The following KIF16B variants were observed in gnomAD, a reference collection of about 807,000 sequenced individuals.
The protein encoded by KIF16B is kinesin-like protein KIF16B.
In KIF16B, 98 loss-of-function variants were observed where a neutral mutation model predicts 156.3. That is an observed-to-expected ratio of 0.63 (90% CI 0.53 to 0.74). KIF16B has a LOEUF of 0.74. Ranked by LOEUF, KIF16B falls within the 30% of genes least tolerant of loss-of-function variation. KIF16B has a pLI of 0.00. For synonymous variants in KIF16B, 564 were observed against 583.7 expected (o/e 0.97, Z 0.49); for missense variants, 1,421 against 1,606.5 (o/e 0.88, Z 1.97).
At chr20:16,280,785 T>C (rs1054906651) in intron 25 of KIF16B, among the ~76,000 whole-genome samples, 3 of 152,208 alleles carry the variant, frequency 2.0e-5, no homozygotes, top group South Asian at 2.1e-4. Flanking sequence ...GTCCATACTA[T>C]GCACATGCAG....
chr20:16,302,098 G>T (rs964038742), intron 25 of KIF16B, among the ~76,000 whole-genome samples: 1 of 152,058 alleles, frequency 6.6e-6, no homozygotes, highest in Non-Finnish European at 1.5e-5. Flanking sequence ...TCCTCCTGAC[G>T]GTGTCTTTTG....
At chr20:16,300,633 C>T (rs1473866407) in intron 25 of KIF16B, among the ~76,000 whole-genome samples, 1 of 152,066 alleles carries the variant, frequency 6.6e-6, no homozygotes, top group African/African-American at 2.4e-5. Flanking sequence ...TACATAACTA[C>T]CACATGATGA....
At chr20:16,496,529 A>G (rs965838025) in intron 11 of KIF16B, among the ~76,000 whole-genome samples, 1 of 152,264 alleles carries the variant, frequency 6.6e-6, no homozygotes, top group African/African-American at 2.4e-5. Flanking sequence ...CAAACAATTA[A>G]AATGGGTCAG....
At chr20:16,416,860 C>T (rs1600340895) in intron 15 of KIF16B, among the ~76,000 whole-genome samples, 1 of 152,072 alleles carries the variant, frequency 6.6e-6, no homozygotes, top group South Asian at 2.1e-4. Context: ...CAAAAGTGGA[C>T]AAGTGCAAAA....
intron 22 of KIF16B, among the ~76,000 whole-genome samples, chr20:16,359,669 A>C (rs960995548): frequency 6.6e-6 from 1 of 151,810 alleles, no homozygotes; most frequent in Non-Finnish European, 1.5e-5. Context: ...AAAAAAAAAA[A>C]AAAAACCCTG....
chr20:16,439,051 A>C (rs1024690891), intron 12 of KIF16B, among the ~76,000 whole-genome samples: 15 of 152,212 alleles, frequency 9.9e-5, no homozygotes, highest in Non-Finnish European at 1.2e-4. Context: ...TCCAGGAAGG[A>C]GGAGGTTCAG....
chr20:16,340,919 G>C (rs994834711), intron 23 of KIF16B, among the ~76,000 whole-genome samples: 13 of 152,066 alleles, frequency 8.5e-5, no homozygotes, highest in Non-Finnish European at 1.0e-4. Context: ...AAAGGCATTT[G>C]GGCACAAGAT....
intron 6 of KIF16B, among the ~76,000 whole-genome samples, chr20:16,510,577 A>G (rs1348810376): frequency 6.6e-6 from 1 of 152,160 alleles, no homozygotes; most frequent in Non-Finnish European, 1.5e-5. Flanking sequence ...TGAACCCAGG[A>G]GACAGAGGTT....
At chr20:16,356,744 G>A (rs2123155629) in intron 22 of KIF16B, among the ~76,000 whole-genome samples, 1 of 152,202 alleles carries the variant, frequency 6.6e-6, no homozygotes, top group Non-Finnish European at 1.5e-5. Flanking sequence ...TAAAAACAGG[G>A]ACAAATTATA....
At chr20:16,350,702 A>C (rs1319689299) in intron 23 of KIF16B, among the ~76,000 whole-genome samples, 1 of 144,320 alleles carries the variant, frequency 6.9e-6, no homozygotes, top group Non-Finnish European at 1.5e-5. Flanking sequence ...TGACTCCATC[A>C]GTGCGGATGG....
rs550397392 is a variant in KIF16B, at chr20:16,335,365, C to T, written c.3711+561G>A. Among the ~76,000 whole-genome samples the T allele has an allele frequency of 4.6e-5, 7 of 152,308 alleles. 1 individual carries two copies. In the South Asian group the frequency reaches 1.2e-3, roughly 27 times the overall value. ...TGTTTGTTCAAAAAGGAAAAGACGACTAATGTATTAATACCCTCTGGATAT... is the reference window on the plus strand; with the variant it reads ...TGTTTGTTCAAAAAGGAAAAGACGATTAATGTATTAATACCCTCTGGATAT... On this transcript the variant is annotated intron_variant, in intron 24 of 25. Coordinates refer to ENST00000354981, the MANE Select transcript of KIF16B (RefSeq NM_024704.5).
chr20:16,427,448 A>C (rs1249710238), intron 14 of KIF16B, among the ~76,000 whole-genome samples: 1 of 152,148 alleles, frequency 6.6e-6, no homozygotes, highest in Non-Finnish European at 1.5e-5. Flanking sequence ...GATCCTTAGA[A>C]TGTTCTTCAA....
intron 12 of KIF16B, among the ~76,000 whole-genome samples, chr20:16,467,646 A>C (rs1451922935): frequency 6.6e-6 from 1 of 152,172 alleles, no homozygotes; most frequent in African/African-American, 2.4e-5. Flanking sequence ...GACAAGAATT[A>C]CAACAACTAT....
intron 23 of KIF16B, among the ~76,000 whole-genome samples, chr20:16,340,329 A>C (rs2064118667): frequency 6.6e-6 from 1 of 151,942 alleles, no homozygotes; most frequent in Non-Finnish European, 1.5e-5. Flanking sequence ...AACACTGCTT[A>C]CTCTTCTTCC....
intron 25 of KIF16B, among the ~76,000 whole-genome samples, chr20:16,291,611 C>A (rs1312429117): frequency 6.6e-6 from 1 of 152,148 alleles, no homozygotes; most frequent in Non-Finnish European, 1.5e-5. Flanking sequence ...TCTAGGGGAT[C>A]CTGAAGGAAG....
In KIF16B at chr20:16,336,541, A is replaced by G. The variant is rs117651507; in HGVS notation, c.3622-526T>C. ...GCCTTTACAATCACACCTAAAGCAC[A>G]GGCCAATGAATCTCCAATTCCTTTC... On this transcript the variant is annotated intron_variant, in intron 23 of 25. Transcript: ENST00000354981. 9.8e-5 allele frequency among the ~76,000 whole-genome samples: 15 copies of G among 152,314 alleles called. No homozygotes were observed. In the East Asian group the frequency reaches 2.5e-3, roughly 26 times the overall value.
rs1392851476 is a variant in KIF16B, at chr20:16,272,128, T to C, written c.*1125A>G. On this transcript the variant is annotated 3_prime_UTR_variant, in exon 26 of 26. Transcript: ENST00000354981. ...GTAGATGCCATAACTTCATTTAATA[T>C]TGATAGCAGCTCAATTTAAATTTTG... 1.3e-5 allele frequency: 2 copies of C among 152,798 alleles called. No individual in the cohort carries two copies. Among genetic ancestry groups the C allele is most frequent in the African/African-American group, 2.4e-5 (1 of 41,592 alleles). The allele number at this position is 152,798 out of a possible 1,614,324, so 9.5% of individuals were successfully genotyped here.
At position 16,379,492 on chromosome 20, in the gene KIF16B, A is replaced by C; in HGVS notation, c.2510T>G (p.Val837Gly). 6.2e-7 allele frequency: 1 copy of C among 1,614,130 alleles called. No homozygotes were observed. The highest frequency in any genetic ancestry group is 8.5e-7 in the Non-Finnish European group (1 of 1,180,032). ...CTGAACCAGGTCCTTCTCCAAGTTC[A>C]CTAGCTTGACAAGCTGCCTTCTCTT... ...EFKRRQLVKLVNLEKDLVQQK... is the reference protein window; with the variant it reads ...EFKRRQLVKLGNLEKDLVQQK... The change falls in exon 19 of 26, where the codon GTG becomes GGG. Residue 837 changes from valine to glycine, a missense_variant. Physicochemically the swap from Val to Gly is moderately radical, Grantham distance 109. Coordinates refer to ENST00000354981, the MANE Select transcript of KIF16B (RefSeq NM_024704.5).
chr20:16,353,026 T>C (rs960729963), intron 23 of KIF16B, among the ~76,000 whole-genome samples: 17 of 152,334 alleles, frequency 1.1e-4, no homozygotes, highest in African/African-American at 3.8e-4. Flanking sequence ...CAAAAACTGA[T>C]TTTTTAAAAG....
Sources: gnomAD v4.1 joint callset for allele counts (sites outside exome capture counted in the v4.1 genomes callset) on GRCh38, gnomAD v4.1.1 for gene constraint, MANE v1.5 for transcripts, NCBI Gene and HGNC (gene_info 2026-07-23, HGNC 2026-07-21) for gene names.